Variants in CDH8 observed in about 807,000 individuals in gnomAD.
The protein encoded by CDH8 is cadherin 8.
CDH8 carries 17 observed loss-of-function variants against 68.1 expected under a neutral mutation model. That is an observed-to-expected ratio of 0.25 (90% CI 0.17 to 0.37). CDH8 has a LOEUF of 0.37. CDH8 is among the 10% of genes least tolerant of loss of function. The pLI, the probability that CDH8 is intolerant of heterozygous loss-of-function variation, is 1.00. For missense variants in CDH8, 763 were observed against 999.3 expected, an observed-to-expected ratio of 0.76 and a Z score of 3.19; for synonymous variants, 372 against 365.1, an observed-to-expected ratio of 1.02 and a Z score of -0.21.
intron 4 of CDH8, among the ~76,000 whole-genome samples, chr16:61,831,987 G>A (rs867844889): frequency 6.6e-6 from 1 of 151,814 alleles, no homozygotes. Context: ...AGTGGTAAAA[G>A]GCTATAAGAG....
intron 3 of CDH8, among the ~76,000 whole-genome samples, chr16:61,861,310 T>C (rs1027683886): frequency 1.3e-5 from 2 of 152,250 alleles, no homozygotes; most frequent in African/African-American, 2.4e-5. Context: ...TGTGATTACT[T>C]TGAAGAACTA....
At position 61,826,111 on chromosome 16, in the gene CDH8, G is replaced by T. The variant is rs187129404; in HGVS notation, c.668-932C>A. Among the ~76,000 whole-genome samples, 835 of 150,554 alleles carry T rather than the reference G, an allele frequency of 5.5e-3. 4 individuals carry two copies. Among genetic ancestry groups the T allele is most frequent in the South Asian group, 0.012 (57 of 4,744 alleles). ...TAAGGCCATGATATGTACATACCCAGAAATGTGAGTATAAACATTTAACCA... is the reference window on the plus strand; with the variant it reads ...TAAGGCCATGATATGTACATACCCATAAATGTGAGTATAAACATTTAACCA... On this transcript the variant is annotated intron_variant, in intron 4 of 11. Transcript: ENST00000577390.
At chr16:61,856,770 C>T (rs1963055305) in intron 4 of CDH8, among the ~76,000 whole-genome samples, 1 of 152,114 alleles carries the variant, frequency 6.6e-6, no homozygotes, top group East Asian at 1.9e-4. Context: ...CAAATTGGAA[C>T]TTAGATACTT....
rs578083540 is a variant in CDH8, at chr16:61,685,425, G to T, written c.1654+28416C>A. Among the ~76,000 whole-genome samples, 11 of 152,006 alleles carry T rather than the reference G, an allele frequency of 7.2e-5. No homozygotes were observed. In the South Asian group the frequency reaches 1.5e-3, roughly 20 times the overall value. ...CCATTCAGATATCTGGAAGAGGGAA[G>T]GGAAAAAGAGAGTGCTGAGAGAGGA... On this transcript the variant is annotated intron_variant, in intron 10 of 11. Coordinates refer to ENST00000577390, the MANE Select transcript of CDH8 (RefSeq NM_001796.5).
chr16:61,970,184 A>G (rs1965315897), intron 2 of CDH8, among the ~76,000 whole-genome samples: 1 of 152,244 alleles, frequency 6.6e-6, no homozygotes, highest in Non-Finnish European at 1.5e-5. Flanking sequence ...TTACACCAAG[A>G]TAACTTGAGC....
chr16:61,688,042 A>G (rs1964142257), intron 10 of CDH8, among the ~76,000 whole-genome samples: 1 of 152,000 alleles, frequency 6.6e-6, no homozygotes, highest in Non-Finnish European at 1.5e-5. Flanking sequence ...ACTCTGATTT[A>G]TTTCTCTCTG....
At chr16:61,734,362 G>A (rs530768234) in intron 8 of CDH8, among the ~76,000 whole-genome samples, 4 of 149,848 alleles carry the variant, frequency 2.7e-5, no homozygotes, top group Non-Finnish European at 6.0e-5. Flanking sequence ...ATTTCCTTCA[G>A]TATTTGCAAG....
Position 61,739,374 on chromosome 16 carries a change from A to G in CDH8, c.1415-12159T>C, listed in dbSNP as rs200265917. ...CATGCAAACACAAGCAACACACACA[A>G]TTTACTAGATACGAAAGCTAATATT... is the stretch of plus-strand genomic sequence containing the variant. On this transcript the variant is annotated intron_variant, in intron 8 of 11. Transcript: ENST00000577390. 9.9e-5 allele frequency among the ~76,000 whole-genome samples: 15 copies of G among 152,172 alleles called. No individual in the cohort carries two copies. In the East Asian group the frequency reaches 2.5e-3, roughly 25 times the overall value.
chr16:61,768,357 T>TCC (rs1960668408), intron 8 of CDH8, among the ~76,000 whole-genome samples: 24 of 103,816 alleles, frequency 2.3e-4, no homozygotes, highest in African/African-American at 3.9e-4. Flanking sequence ...TCTCTCTCTC[T>TCC]CTCTCTCTCT....
intron 7 of CDH8, among the ~76,000 whole-genome samples, chr16:61,798,012 T>C (rs1228998582): frequency 1.3e-5 from 2 of 152,240 alleles, no homozygotes; most frequent in East Asian, 3.9e-4. Context: ...TAATTTTATG[T>C]AACACTGGAA....
chr16:61,809,279 A>G (rs375004562), intron 7 of CDH8, among the ~76,000 whole-genome samples: 3 of 152,178 alleles, frequency 2.0e-5, no homozygotes, highest in Non-Finnish European at 4.4e-5. Flanking sequence ...TAATGGAGTC[A>G]AAGTATTTAC....
chr16:61,982,307 C>A (rs1965547294), intron 2 of CDH8, among the ~76,000 whole-genome samples: 1 of 152,080 alleles, frequency 6.6e-6, no homozygotes, highest in East Asian at 1.9e-4. Flanking sequence ...GCAAGCTCCG[C>A]CTCCCGGGTT....
chr16:61,759,373 G>A (rs974211684), intron 8 of CDH8, among the ~76,000 whole-genome samples: 1 of 151,420 alleles, frequency 6.6e-6, no homozygotes, highest in African/African-American at 2.4e-5. Flanking sequence ...AGGAGGAGGA[G>A]GAAGAAGAGG....
At chr16:61,843,585 T>G (rs1962734277) in intron 4 of CDH8, among the ~76,000 whole-genome samples, 1 of 152,156 alleles carries the variant, frequency 6.6e-6, no homozygotes. Flanking sequence ...CCCCTGAAAT[T>G]CCAAAACACA....
At chr16:61,817,208 A>ATAATTCG (rs1417999411) in intron 7 of CDH8, among the ~76,000 whole-genome samples, 2 of 152,066 alleles carry the variant, frequency 1.3e-5, no homozygotes, top group Non-Finnish European at 2.9e-5. Flanking sequence ...GCAACTTTGC[A>ATAATTCG]TTTTCATAGA....
chr16:61,846,780 A>G (rs1962814889), intron 4 of CDH8, among the ~76,000 whole-genome samples: 1 of 152,138 alleles, frequency 6.6e-6, no homozygotes, highest in Non-Finnish European at 1.5e-5. Context: ...CTTCTGCTTA[A>G]TTTTTGGAAC....
chr16:62,020,892 G>C (rs1336643859), intron 2 of CDH8, among the ~76,000 whole-genome samples: 1 of 152,132 alleles, frequency 6.6e-6, no homozygotes, highest in African/African-American at 2.4e-5. Context: ...AACGTTATTT[G>C]TTTTTGCATT....
intron 2 of CDH8, among the ~76,000 whole-genome samples, chr16:61,911,083 G>C (rs1279604621): frequency 6.6e-6 from 1 of 152,126 alleles, no homozygotes; most frequent in Non-Finnish European, 1.5e-5. Context: ...ACTTGAGTGG[G>C]CAAGAGTGTG....
In CDH8 at chr16:62,021,458, T is replaced by TC; in HGVS notation, c.-56dup. The stretch of plus-strand genomic sequence containing the variant: ...AAATGAGACAATTATTTTTTTTGTC[T>TC]CCGGTCTGCAGCCATCCAATTCATC... On this transcript the variant is annotated 5_prime_UTR_variant, in exon 2 of 12. It removes the in-frame stop codon of an upstream open reading frame in the 5' UTR. Coordinates refer to ENST00000577390, the MANE Select transcript of CDH8 (RefSeq NM_001796.5). The TC allele has an allele frequency of 6.4e-7, 1 of 1,556,444 alleles. No individual in the cohort carries two copies. Among genetic ancestry groups the TC allele is most frequent in the Middle Eastern group, 1.8e-4 (1 of 5,684 alleles).
Sources: allele counts gnomAD v4.1 joint callset (sites outside exome capture counted in the v4.1 genomes callset), GRCh38; gene constraint gnomAD v4.1.1; transcripts MANE v1.5; gene names NCBI Gene and HGNC (gene_info 2026-07-23, HGNC 2026-07-21).